BUB1B: variants seen among roughly 807,000 people sequenced by gnomAD.
The protein encoded by BUB1B is mitotic checkpoint serine/threonine-protein kinase BUB1 beta.
BUB1B carries 86 observed loss-of-function variants against 137.7 expected under a neutral mutation model. The ratio of observed to expected loss-of-function variants is 0.62; its 90% confidence interval spans 0.52 to 0.75. The LOEUF is 0.75. Among genes scored for constraint, BUB1B ranks in the 30% least tolerant of loss-of-function variants. The pLI is 0.00. For synonymous variants in BUB1B, 420 were observed against 417.9 expected (o/e 1.00, Z -0.06); for missense variants, 1,130 against 1,236.9 (o/e 0.91, Z 1.30).
At chr15:40,171,859 CAT>C (rs1456676543) in intron 4 of BUB1B, among the ~76,000 whole-genome samples, 1 of 152,004 alleles carries the variant, frequency 6.6e-6, no homozygotes, top group Non-Finnish European at 1.5e-5. Flanking sequence ...GTAGGAAAAA[CAT>C]ATTTTTTATT....
intron 4 of BUB1B, among the ~76,000 whole-genome samples, chr15:40,174,441 G>A (rs992918846): frequency 6.6e-6 from 1 of 152,154 alleles, no homozygotes; most frequent in Non-Finnish European, 1.5e-5. Context: ...TTAAGGGCTG[G>A]CATATCATAG....
chr15:40,161,361 G>A, intron 1 of BUB1B, 106 bp downstream of exon 1: 1 of 1,299,204 alleles, frequency 7.7e-7, no homozygotes, highest in Non-Finnish European at 1.0e-6. Flanking sequence ...GGCACCGTCA[G>A]AACAGACCCC....
At chr15:40,192,062 A>C (rs1244295187) in intron 8 of BUB1B, among the ~76,000 whole-genome samples, 1 of 152,188 alleles carries the variant, frequency 6.6e-6, no homozygotes, top group African/African-American at 2.4e-5. Flanking sequence ...ATTCTGTTGA[A>C]TCTGTAGGTT....
In BUB1B at chr15:40,176,512, T is replaced by A; in HGVS notation, c.420T>A (p.Ser140Arg). 6.2e-7 allele frequency: 1 copy of A among 1,614,156 alleles called. No individual in the cohort carries two copies. Residue 140 changes from serine (S) to arginine (R), a missense_variant, in exon 5 of 23, where the codon AGT becomes AGA. By Grantham distance (110) the Ser-to-Arg change is moderately radical. Transcript: ENST00000287598. ...GCAATGAGCCTTTGGATATGTACAGTTACTTGCACAACCAAGGGATTGGTG... is the reference window on the plus strand; with the variant it reads ...GCAATGAGCCTTTGGATATGTACAGATACTTGCACAACCAAGGGATTGGTG... ...RLCNEPLDMY[S>R]YLHNQGIGVS... is the part of the protein sequence containing the mutation.
chr15:40,174,237 T>C (rs1019897632), intron 4 of BUB1B, among the ~76,000 whole-genome samples: 48 of 152,364 alleles, frequency 3.2e-4, no homozygotes, highest in African/African-American at 1.1e-3. Flanking sequence ...CTGGATCTTA[T>C]GCTGGTAGCA....
intron 6 of BUB1B, 31 bp downstream of exon 6, chr15:40,183,914 T>A: frequency 6.2e-7 from 1 of 1,607,770 alleles, no homozygotes; most frequent in Non-Finnish European, 8.5e-7. Context: ...TTCGGAAAAC[T>A]GTTAGTTTCT....
intron 18 of BUB1B, among the ~76,000 whole-genome samples, chr15:40,211,813 C>T (rs2037715567): frequency 6.7e-6 from 1 of 149,970 alleles, no homozygotes; most frequent in Non-Finnish European, 1.5e-5. Flanking sequence ...GGTCTACCTT[C>T]CTGTTTTTTT....
chr15:40,199,605 C>G lies in BUB1B; in HGVS notation c.1289-10C>G. On this transcript the variant is annotated splice_polypyrimidine_tract_variant and intron_variant, in intron 9 of 22. Transcript: ENST00000287598. ...AGGAATAATACCTCAAGCAACTTTA[C>G]TGTTTCTAGCCGAGCTATTGACCAG... 6.2e-7 allele frequency: 1 copy of G among 1,611,084 alleles called. No individual in the cohort carries two copies. The highest frequency in any genetic ancestry group is 8.5e-7 in the Non-Finnish European group (1 of 1,177,346).
At chr15:40,173,199 C>T (rs1161679380) in intron 4 of BUB1B, among the ~76,000 whole-genome samples, 10 of 150,960 alleles carry the variant, frequency 6.6e-5, no homozygotes, top group Admixed American at 4.0e-4. Flanking sequence ...GCAGGAGAAT[C>T]GCTTGAACCC....
intron 8 of BUB1B, among the ~76,000 whole-genome samples, chr15:40,186,236 G>A (rs190201201): frequency 6.6e-6 from 1 of 152,068 alleles, no homozygotes; most frequent in East Asian, 1.9e-4. Flanking sequence ...TAAATGAGAC[G>A]TTCTCATTTT....
At position 40,220,654 on chromosome 15, in the gene BUB1B, A is replaced by G; in HGVS notation, c.3048A>G (p.Ala1016=). Residue 1016 remains alanine (A), a synonymous_variant, in exon 23 of 23, where the codon GCA becomes GCG. Coordinates refer to ENST00000287598, the MANE Select transcript of BUB1B (RefSeq NM_001211.6). ...EATVSVLGEL[A]AEMNGVFDTT... ...CAGTGTCTGTTCTTGGGGAGCTTGCAGCAGAAATGAATGGGGTTTTTGACA... is the reference window on the plus strand; with the variant it reads ...CAGTGTCTGTTCTTGGGGAGCTTGCGGCAGAAATGAATGGGGTTTTTGACA... 1.9e-6 allele frequency: 3 copies of G among 1,614,216 alleles called. No individual in the cohort carries two copies. Among genetic ancestry groups the G allele is most frequent in the Non-Finnish European group, 1.7e-6 (2 of 1,180,042 alleles).
Position 40,165,211 on chromosome 15 carries a change from T to C in BUB1B, c.179+15T>C, listed in dbSNP as rs1425948264. ...CAGCAGAAACGGTGTGTAGAATGGC[T>C]GAGTCTCAACCTGTCGTCATTCATC... On this transcript the variant is annotated intron_variant, in intron 2 of 22. Coordinates refer to ENST00000287598, the MANE Select transcript of BUB1B (RefSeq NM_001211.6). 1 of 1,614,130 alleles carries C rather than the reference T, an allele frequency of 6.2e-7. No individual in the cohort carries two copies. The highest frequency in any genetic ancestry group is 1.7e-5 in the Admixed American group (1 of 60,024).
intron 8 of BUB1B, among the ~76,000 whole-genome samples, chr15:40,188,626 A>C (rs1267094227): frequency 7.5e-6 from 1 of 133,578 alleles, no homozygotes; most frequent in Non-Finnish European, 1.5e-5. Context: ...TCTGTTACCC[A>C]GGCTGGAGTG....
intron 17 of BUB1B, 32 bp downstream of exon 17, chr15:40,209,807 C>T: frequency 6.2e-7 from 1 of 1,611,468 alleles, no homozygotes; most frequent in East Asian, 2.2e-5. Context: ...TCCTCTGGTT[C>T]ATGACAGTAT....
chr15:40,199,707 C>G lies in BUB1B; in HGVS notation c.1381C>G (p.Gln461Glu), dbSNP rs1457795566. ...GCTAAAAGAAATCCAAACTACTCAG[C>G]AAGAAAGAACAGGTGATCAGGTAAT... is the stretch of plus-strand genomic sequence containing the variant. ...KKLKEIQTTQ[Q>E]ERTGDQQEET... Residue 461 changes from glutamine to glutamate, a missense_variant, in exon 10 of 23, where the codon CAA (glutamine) becomes GAA (glutamate). Transcript: ENST00000287598. 1 of 1,613,170 alleles carries G rather than the reference C, an allele frequency of 6.2e-7. No homozygotes were observed. Among genetic ancestry groups the G allele is most frequent in the South Asian group, 1.1e-5 (1 of 91,048 alleles).
chr15:40,161,743 T>C (rs190651860), intron 1 of BUB1B, among the ~76,000 whole-genome samples: 1 of 152,332 alleles, frequency 6.6e-6, no homozygotes, highest in African/African-American at 2.4e-5. Flanking sequence ...AGATCTAAAT[T>C]ATGCCAATAA....
chr15:40,196,733 G>A lies in BUB1B; in HGVS notation c.1247G>A (p.Arg416Gln), dbSNP rs763272400. ...GVGEFSFEEIRAEVFRKKLKE... is the reference protein window; with the variant it reads ...GVGEFSFEEIQAEVFRKKLKE... ...GGGGAATTCTCCTTTGAAGAAATTC[G>A]GGCTGAAGTTTTCCGGAAGAAATTA... The change falls in exon 9 of 23, where the codon CGG (arginine) becomes CAG (glutamine). Residue 416 changes from arginine to glutamine, a missense_variant. Arg to Gln is a conservative substitution (Grantham distance 43, BLOSUM62 1). Coordinates refer to ENST00000287598, the MANE Select transcript of BUB1B (RefSeq NM_001211.6). The A allele has an allele frequency of 1.1e-5, 17 of 1,614,006 alleles. No individual in the cohort carries two copies. Among genetic ancestry groups the A allele is most frequent in the Non-Finnish European group, 1.4e-5 (16 of 1,179,932 alleles).
chr15:40,185,677 T>TTA, intron 8 of BUB1B, 35 bp downstream of exon 8: 1 of 1,581,830 alleles, frequency 6.3e-7, no homozygotes, highest in Non-Finnish European at 8.7e-7. Context: ...GAAGTGGGAA[T>TTA]TATTAAGGGT....
chr15:40,161,336 G>T, intron 1 of BUB1B, 81 bp downstream of exon 1: 1 of 1,495,812 alleles, frequency 6.7e-7, no homozygotes, highest in Non-Finnish European at 9.0e-7. Flanking sequence ...GCTCGGAGCA[G>T]TCGAGGGGGA....
Sources: gnomAD v4.1 joint callset for allele counts (sites outside exome capture counted in the v4.1 genomes callset) on GRCh38, gnomAD v4.1.1 for gene constraint, MANE v1.5 for transcripts, NCBI Gene and HGNC (gene_info 2026-07-23, HGNC 2026-07-21) for gene names.